Variants in ASXL3 observed in about 807,000 individuals in gnomAD.
ASXL3 encodes the protein ASXL transcriptional regulator 3.
A neutral mutation model predicts 170.6 loss-of-function variants in ASXL3; 34 were observed. The ratio of observed to expected loss-of-function variants is 0.20; its 90% CI spans 0.15 to 0.27. The LOEUF (loss-of-function observed/expected upper bound fraction) is 0.27, where lower values mean the gene tolerates loss of function less well. Ranked by LOEUF, ASXL3 falls within the 10% of genes least tolerant of loss-of-function variation. The pLI, the probability that ASXL3 is intolerant of heterozygous loss-of-function variation, is 1.00. For synonymous variants in ASXL3, 1,002 were observed against 989.1 expected, an observed-to-expected ratio of 1.01 and a Z score of -0.24; for missense variants, 2,592 against 2,695.3, an observed-to-expected ratio of 0.96 and a Z score of 0.85.
intron 7 of ASXL3, among the ~76,000 whole-genome samples, chr18:33,681,391 G>A (rs1033566502): frequency 3.3e-5 from 5 of 152,070 alleles, no homozygotes; most frequent in African/African-American, 1.2e-4. Flanking sequence ...AAAGGATAGA[G>A]TTTCGATTTA....
At chr18:33,731,131 G>A (rs148686582) in intron 8 of ASXL3, among the ~76,000 whole-genome samples, 56 of 152,198 alleles carry the variant, frequency 3.7e-4, no homozygotes, top group African/African-American at 1.2e-3. Context: ...ATGCATGAAG[G>A]CATTATTTGA....
chr18:33,699,060 A>G (rs1158820702), intron 8 of ASXL3, among the ~76,000 whole-genome samples: 4 of 152,210 alleles, frequency 2.6e-5, no homozygotes, highest in Admixed American at 6.6e-5. Flanking sequence ...GGGTAACAGT[A>G]TATAGAAATG....
chr18:33,662,296 A>G lies in ASXL3; in HGVS notation c.477+559A>G, dbSNP rs1373234164. 3.3e-5 allele frequency among the ~76,000 whole-genome samples: 5 copies of G among 152,250 alleles called. No homozygotes were observed. In the South Asian group the frequency reaches 6.2e-4, roughly 19 times the overall value. On this transcript the variant is annotated intron_variant, in intron 5 of 11. Coordinates refer to ENST00000269197, the MANE Select transcript of ASXL3 (RefSeq NM_030632.3). The stretch of plus-strand genomic sequence containing the variant: ...GGCCTTGCACTGAGATGGTGCAGGG[A>G]TAGACACAAGGTTGGGCTCTGGGCA...
chr18:33,638,786 A>C (rs578030654), intron 2 of ASXL3, among the ~76,000 whole-genome samples: 1 of 152,302 alleles, frequency 6.6e-6, no homozygotes, highest in African/African-American at 2.4e-5. Flanking sequence ...GCTATGAGGC[A>C]TATAGATAAT....
Position 33,738,581 on chromosome 18 carries a change from C to A in ASXL3, c.1177C>A (p.Pro393Thr). 1 of 1,613,892 alleles carries A rather than the reference C, an allele frequency of 6.2e-7. No individual in the cohort carries two copies. Among genetic ancestry groups the A allele is most frequent in the Non-Finnish European group, 8.5e-7 (1 of 1,179,852 alleles). Reference protein sequence around the residue: ...SSSSCGTSGLPVSAQTALAEQ... With the variant: ...SSSSCGTSGLTVSAQTALAEQ... ...TTCTTCATGTGGGACTTCTGGCCTT[C>A]CAGTTTCTGCACAGACAGCCTTGGC... Residue 393 changes from proline to threonine, a missense_variant, in exon 11 of 12, where the codon CCA becomes ACA. Coordinates refer to ENST00000269197, the MANE Select transcript of ASXL3 (RefSeq NM_030632.3).
Position 33,607,923 on chromosome 18 carries a change from C to T in ASXL3, c.137+247C>T, listed in dbSNP as rs181063866. On this transcript the variant is annotated intron_variant, in intron 2 of 11. Transcript: ENST00000269197. The stretch of plus-strand genomic sequence containing the variant: ...CTTAACAAAGAACAGCACTGTGTGA[C>T]TTAGCCCCTCATTGAAGTTATTCCT... Among the ~76,000 whole-genome samples the T allele has an allele frequency of 3.4e-4, 52 of 152,080 alleles. 1 individual carries two copies. In the East Asian group the frequency reaches 8.9e-3, roughly 26 times the overall value.
chr18:33,711,005 A>C (rs1243584976), intron 8 of ASXL3, among the ~76,000 whole-genome samples: 1 of 152,146 alleles, frequency 6.6e-6, no homozygotes, highest in Admixed American at 6.6e-5. Flanking sequence ...GGTTGATTTT[A>C]AAATGTTCTC....
chr18:33,739,790 A>G lies in ASXL3; in HGVS notation c.2386A>G (p.Asn796Asp). Residue 796 changes from asparagine to aspartate, a missense_variant, in exon 11 of 12, where the codon AAC (asparagine) becomes GAC (aspartate). By Grantham distance (23) the Asn-to-Asp change is conservative. Transcript: ENST00000269197. Reference sequence around the variant, plus strand: ...CGCCACTGCCAAACCTCTGGGAGAGAACCTTACCTCCCAGCAGAAGAATCT... The same window carrying G: ...CGCCACTGCCAAACCTCTGGGAGAGGACCTTACCTCCCAGCAGAAGAATCT... ...SSATAKPLGE[N>D]LTSQQKNLSN... 1 of 1,613,820 alleles carries G rather than the reference A, an allele frequency of 6.2e-7. No homozygotes were observed.
At chr18:33,708,400 CTT>C (rs2067000407) in intron 8 of ASXL3, among the ~76,000 whole-genome samples, 1 of 152,108 alleles carries the variant, frequency 6.6e-6, no homozygotes, top group Admixed American at 6.6e-5. Context: ...TGTTGATAAA[CTT>C]TGACATATAA....
chr18:33,586,389 A>G (rs578080310), intron 1 of ASXL3, among the ~76,000 whole-genome samples: 3 of 147,878 alleles, frequency 2.0e-5, no homozygotes, highest in East Asian at 3.9e-4. Context: ...AAGTATATAT[A>G]AGAAAATTGC....
intron 8 of ASXL3, among the ~76,000 whole-genome samples, chr18:33,708,060 G>T (rs2066992473): frequency 6.6e-6 from 1 of 152,132 alleles, no homozygotes; most frequent in African/African-American, 2.4e-5. Context: ...TTTTGATCAA[G>T]TGGAGATTGG....
Position 33,744,741 on chromosome 18 carries a change from A to G in ASXL3, c.4893A>G (p.Lys1631=), listed in dbSNP as rs768575205. ...CTCACTCGGGTTCAAGTAAACAAAA[A>G]GAATATCTAGAGCAAAGCTGTCCAA... The part of the protein sequence containing the change: ...LVTHSGSSKQ[K]EYLEQSCPKA... Residue 1631 remains lysine, a synonymous_variant, in exon 12 of 12, where the codon AAA becomes AAG. Transcript: ENST00000269197. The G allele has an allele frequency of 6.2e-7, 1 of 1,613,988 alleles. No homozygotes were observed. Among genetic ancestry groups the G allele is most frequent in the East Asian group, 2.2e-5 (1 of 44,872 alleles).
chr18:33,677,919 T>C (rs1393925926), intron 7 of ASXL3, among the ~76,000 whole-genome samples: 1 of 152,172 alleles, frequency 6.6e-6, no homozygotes, highest in African/African-American at 2.4e-5. Flanking sequence ...AGACATAGTC[T>C]CACTCTTTTG....
At chr18:33,704,957 A>C (rs984943586) in intron 8 of ASXL3, among the ~76,000 whole-genome samples, 7 of 151,814 alleles carry the variant, frequency 4.6e-5, no homozygotes, top group Non-Finnish European at 8.8e-5. Context: ...TTCTTAGTTA[A>C]ATTTTTCTTT....
intron 8 of ASXL3, among the ~76,000 whole-genome samples, chr18:33,689,180 G>C (rs1157131379): frequency 6.6e-6 from 1 of 152,100 alleles, no homozygotes; most frequent in African/African-American, 2.4e-5. Flanking sequence ...TTTTAGTAGA[G>C]ATGGGGTTTC....
intron 1 of ASXL3, among the ~76,000 whole-genome samples, chr18:33,589,170 G>A (rs1474399878): frequency 6.6e-6 from 1 of 152,114 alleles, no homozygotes; most frequent in Non-Finnish European, 1.5e-5. Context: ...CCTTGAGAAA[G>A]TTACATAACA....
chr18:33,675,339 C>G (rs1226874230), intron 7 of ASXL3, among the ~76,000 whole-genome samples: 1 of 152,138 alleles, frequency 6.6e-6, no homozygotes, highest in East Asian at 1.9e-4. Context: ...ATAGAGACAG[C>G]CTGTATTCCC....
rs530384072 is a variant in ASXL3 at position 33,729,286 on chromosome 18, G to A, written c.880-2682G>A. The stretch of plus-strand genomic sequence containing the variant: ...TGTTCCACAGGAGGACAGCAGGAGA[G>A]TGAAGCATTTTTCTACAGTCTGTTG... On this transcript the variant is annotated intron_variant, in intron 8 of 11. Transcript: ENST00000269197. Among the ~76,000 whole-genome samples, 8 of 152,294 alleles carry A rather than the reference G, an allele frequency of 5.3e-5. No homozygotes were observed. The East Asian group carries it at 1.5e-3, about 29-fold the overall frequency.
chr18:33,637,168 C>T (rs900630346), intron 2 of ASXL3, among the ~76,000 whole-genome samples: 6 of 152,108 alleles, frequency 3.9e-5, no homozygotes, highest in African/African-American at 1.4e-4. Context: ...TAAAATTAAA[C>T]ATTCCTGGGA....
Sources: gnomAD v4.1 joint callset for allele counts (sites outside exome capture counted in the v4.1 genomes callset) on GRCh38, gnomAD v4.1.1 for gene constraint, MANE v1.5 for transcripts, NCBI Gene and HGNC (gene_info 2026-07-23, HGNC 2026-07-21) for gene names.